Variants in SPINK5 observed in about 807,000 individuals in gnomAD.
SPINK5 encodes serine peptidase inhibitor Kazal type 5.
A neutral mutation model predicts 151.8 loss-of-function variants in SPINK5; 125 were observed. The ratio of observed to expected loss-of-function variants is 0.82; its 90% CI spans 0.71 to 0.96. The LOEUF (loss-of-function observed/expected upper bound fraction) is 0.96, where lower values mean the gene tolerates loss of function less well. SPINK5 is among the 40% of genes least tolerant of loss of function. The pLI is 0.00. For synonymous variants in SPINK5, 374 were observed against 395.3 expected (o/e 0.95, Z 0.64); for missense variants, 1,194 against 1,291.9 (o/e 0.92, Z 1.16).
chr5:148,106,178 A>T (rs887196041), intron 16 of SPINK5, among the ~76,000 whole-genome samples: 1 of 151,944 alleles, frequency 6.6e-6, no homozygotes, highest in Non-Finnish European at 1.5e-5. Context: ...CTCCACTCCT[A>T]TTCTTACCCT....
chr5:148,097,545 A>C (rs1051576699), intron 10 of SPINK5, among the ~76,000 whole-genome samples: 1 of 151,966 alleles, frequency 6.6e-6, no homozygotes, highest in African/African-American at 2.4e-5. Flanking sequence ...TATTCTTTTC[A>C]TTGTACTTGT....
In SPINK5 at chr5:148,133,883, C is replaced by T. The variant is rs771163069; in HGVS notation, c.3182C>T (p.Pro1061Leu). 18 of 1,613,718 alleles carry T rather than the reference C, an allele frequency of 1.1e-5. No homozygotes were observed. The highest frequency in any genetic ancestry group is 2.2e-5 in the East Asian group (1 of 44,896). Residue 1061 changes from proline (P) to leucine (L), a missense_variant, in exon 32 of 33, where the codon CCG (proline) becomes CTG (leucine). Pro to Leu is a moderately conservative substitution (Grantham distance 98). Transcript: ENST00000256084. ...GGAACCACCGCAGCCAGCATGCCCC[C>T]GTCTGTAAGTACATAAGTAGACTGG... is the stretch of plus-strand genomic sequence containing the variant. The part of the protein sequence containing the change: ...TPGTTAASMP[P>L]SDE
intron 15 of SPINK5, among the ~76,000 whole-genome samples, chr5:148,103,561 C>T (rs12657808): frequency 2.6e-5 from 4 of 151,994 alleles, no homozygotes; most frequent in Non-Finnish European, 5.9e-5. Flanking sequence ...TCAACTTAGA[C>T]TCGTGATAAA....
intron 21 of SPINK5, 124 bp from the exon 22 acceptor site, chr5:148,116,246 G>T: frequency 1.1e-6 from 1 of 923,314 alleles, no homozygotes; most frequent in Non-Finnish European, 1.7e-6. Context: ...CAGCATAGTA[G>T]ATGTTAACTC....
At chr5:148,136,764 G>C (rs1480896765) in intron 32 of SPINK5, among the ~76,000 whole-genome samples, 1 of 152,200 alleles carries the variant, frequency 6.6e-6, no homozygotes, top group East Asian at 1.9e-4. Flanking sequence ...ATTAAGCCAT[G>C]TTCATATTTG....
At position 148,123,966 on chromosome 5, in the gene SPINK5, T is replaced by C; in HGVS notation, c.2666+6T>C. ...GCTATGTGTCAGAGCATCTTGTACGTAAAAAGGTTTATCAATAAATTTGAT... is the reference window on the plus strand; with the variant it reads ...GCTATGTGTCAGAGCATCTTGTACGCAAAAAGGTTTATCAATAAATTTGAT... On this transcript the variant is annotated splice_donor_region_variant and intron_variant, in intron 27 of 32. Transcript: ENST00000256084. The C allele has an allele frequency of 1.9e-6, 3 of 1,613,788 alleles. No individual in the cohort carries two copies. The highest frequency in any genetic ancestry group is 2.5e-6 in the Non-Finnish European group (3 of 1,179,864).
chr5:148,073,724 T>G (rs749285997), intron 4 of SPINK5, among the ~76,000 whole-genome samples: 27 of 150,874 alleles, frequency 1.8e-4, no homozygotes, highest in Non-Finnish European at 3.4e-4. Flanking sequence ...AGACACAAAT[T>G]TATTGAAGTT....
At chr5:148,116,701 C>T (rs1754102396) in intron 22 of SPINK5, among the ~76,000 whole-genome samples, 1 of 152,228 alleles carries the variant, frequency 6.6e-6, no homozygotes. Context: ...ATCCCAGTCT[C>T]CTGAGCCCTC....
At position 148,124,750 on chromosome 5, in the gene SPINK5, TTA is replaced by T. The variant is rs1491532163; in HGVS notation, c.2667-14_2667-13del. The T allele has an allele frequency of 1.9e-6, 3 of 1,551,794 alleles. No individual in the cohort carries two copies. The highest frequency in any genetic ancestry group is 1.4e-5 in the African/African-American group (1 of 72,318). On this transcript the variant is annotated splice_polypyrimidine_tract_variant and intron_variant, in intron 27 of 32. Coordinates refer to ENST00000256084, the MANE Select transcript of SPINK5 (RefSeq NM_006846.4). ...TTGAAAAATTACCCTATCTTTTTTT[TTA>T]ATTATTCTGCAGTGATCGAGAAGCT...
chr5:148,109,313 T>C (rs1753860539), intron 18 of SPINK5, among the ~76,000 whole-genome samples: 1 of 152,154 alleles, frequency 6.6e-6, no homozygotes, highest in South Asian at 2.1e-4. Flanking sequence ...ATAACAATGA[T>C]AATTGTACAT....
chr5:148,120,783 A>C (rs988720914), intron 26 of SPINK5, among the ~76,000 whole-genome samples: 6 of 152,074 alleles, frequency 3.9e-5, no homozygotes, highest in African/African-American at 1.4e-4. Flanking sequence ...GCTGTTTCTG[A>C]ATTTTTTAAA....
At chr5:148,131,130 A>G (rs1754558952) in intron 30 of SPINK5, 129 bp from the exon 31 acceptor site, 1 of 1,269,072 alleles carries the variant, frequency 7.9e-7, no homozygotes, top group African/African-American at 1.5e-5. Flanking sequence ...TTGAGTTTGA[A>G]TAACATATAT....
intron 20 of SPINK5, among the ~76,000 whole-genome samples, chr5:148,113,687 G>T (rs949940698): frequency 1.3e-5 from 2 of 152,084 alleles, no homozygotes; most frequent in African/African-American, 4.8e-5. Flanking sequence ...TATCGCCCTG[G>T]AACTCTGTAT....
intron 30 of SPINK5, among the ~76,000 whole-genome samples, chr5:148,128,323 T>C (rs1053463582): frequency 1.3e-5 from 2 of 152,082 alleles, no homozygotes; most frequent in Non-Finnish European, 2.9e-5. Flanking sequence ...ATACCTGTGA[T>C]AGCAGCAAGA....
chr5:148,123,890 G>T lies in SPINK5; in HGVS notation c.2596G>T (p.Glu866Ter), dbSNP rs779768076. Residue 866 changes from glutamate (E) to a stop codon, truncating the protein, a stop_gained, in exon 27 of 33, where the codon GAA becomes TAA. Coordinates refer to ENST00000256084, the MANE Select transcript of SPINK5 (RefSeq NM_006846.4). LOFTEE classifies it high-confidence loss of function. ...QRNGKLICTRENNPVRGPYGK... is the reference protein window; with the variant it reads ...QRNGKLICTR ...AAATGGAAAGCTTATCTGCACCAGA[G>T]AAAATAACCCTGTTCGAGGCCCATA... The T allele has an allele frequency of 1.9e-6, 3 of 1,613,990 alleles. No homozygotes were observed. The South Asian group carries it at 3.3e-5, about 18-fold the overall frequency.
At chr5:148,110,258 T>G (rs1753890909) in intron 18 of SPINK5, among the ~76,000 whole-genome samples, 1 of 152,178 alleles carries the variant, frequency 6.6e-6, no homozygotes, top group Non-Finnish European at 1.5e-5. Context: ...AATATTATAT[T>G]TATTGCTGTT....
At position 148,090,890 on chromosome 5, in the gene SPINK5, G is replaced by T; in HGVS notation, c.603-275G>T. On this transcript the variant is annotated intron_variant, in intron 7 of 32. Transcript: ENST00000256084. ...TACAGAACAAAGCTTCTAATTGACTGTCAGTGAGTCAGTTTCACACCCTTT... is the reference window on the plus strand; with the variant it reads ...TACAGAACAAAGCTTCTAATTGACTTTCAGTGAGTCAGTTTCACACCCTTT... The T allele has an allele frequency of 7.1e-6, 3 of 425,288 alleles. No individual in the cohort carries two copies. In the South Asian group the frequency reaches 9.6e-5, roughly 14 times the overall value. 26.3% of individuals were successfully genotyped at this position (425,288 alleles called of 1,614,324 possible).
chr5:148,081,146 TG>T (rs1753008641), intron 4 of SPINK5, among the ~76,000 whole-genome samples: 1 of 151,640 alleles, frequency 6.6e-6, no homozygotes, highest in Non-Finnish European at 1.5e-5. Flanking sequence ...GTGGAGAAAC[TG>T]GAACACATAT....
rs73271118 is a variant in SPINK5 at position 148,100,228 on chromosome 5, A to G, written c.1093-226A>G. Among the ~76,000 whole-genome samples the G allele has an allele frequency of 0.04, 6,013 of 151,992 alleles. 405 individuals carry two copies. The highest frequency in any genetic ancestry group is 0.14 in the African/African-American group (5,675 of 41,424). ...AGATTATAGTGGAATTTGCTTATAT[A>G]TTGCTTGTATTATATGGGGACATTG... On this transcript the variant is annotated intron_variant, in intron 12 of 32. Coordinates refer to ENST00000256084, the MANE Select transcript of SPINK5 (RefSeq NM_006846.4).
Sources: gnomAD v4.1 joint callset for allele counts (sites outside exome capture counted in the v4.1 genomes callset) on GRCh38, gnomAD v4.1.1 for gene constraint, MANE v1.5 for transcripts, NCBI Gene and HGNC (gene_info 2026-07-23, HGNC 2026-07-21) for gene names.